The following DLG2 variants were observed in gnomAD, a reference collection of about 807,000 sequenced individuals.
DLG2 encodes discs large MAGUK scaffold protein 2.
DLG2 carries 45 observed loss-of-function variants against 132.5 expected under a neutral mutation model. The ratio of observed to expected loss-of-function variants is 0.34; its 90% CI spans 0.27 to 0.44. The LOEUF (loss-of-function observed/expected upper bound fraction) is 0.44, where lower values mean the gene tolerates loss of function less well. Ranked by LOEUF, DLG2 falls within the 20% of genes least tolerant of loss-of-function variation. DLG2 has a pLI of 1.00. For synonymous variants in DLG2, 424 were observed against 419.6 expected, an observed-to-expected ratio of 1.01 and a Z score of -0.13; for missense variants, 1,045 against 1,196.9, an observed-to-expected ratio of 0.87 and a Z score of 1.87.
At chr11:84,587,694 C>T (rs2099532997) in intron 6 of DLG2, among the ~76,000 whole-genome samples, 1 of 152,146 alleles carries the variant, frequency 6.6e-6, no homozygotes, top group African/African-American at 2.4e-5. Context: ...ATTCCTTGGT[C>T]AGATTCACTC....
intron 7 of DLG2, among the ~76,000 whole-genome samples, chr11:84,428,658 C>A (rs1056356883): frequency 5.9e-5 from 9 of 152,188 alleles, no homozygotes; most frequent in African/African-American, 2.2e-4. Context: ...ACCATTATGG[C>A]CTCATTTAAC....
At chr11:84,769,248 G>C (rs1160555372) in intron 6 of DLG2, among the ~76,000 whole-genome samples, 2 of 152,000 alleles carry the variant, frequency 1.3e-5, no homozygotes, top group Non-Finnish European at 1.5e-5. Flanking sequence ...AACTTCTAAA[G>C]CAATCTGGAA....
intron 9 of DLG2, among the ~76,000 whole-genome samples, chr11:84,113,644 T>C (rs1281663988): frequency 6.6e-6 from 1 of 152,208 alleles, no homozygotes; most frequent in Admixed American, 6.5e-5. Context: ...ATACTATTTT[T>C]TGATATTATA....
At chr11:83,573,252 T>C (rs1369524678) in intron 19 of DLG2, among the ~76,000 whole-genome samples, 2 of 152,200 alleles carry the variant, frequency 1.3e-5, no homozygotes. Flanking sequence ...CAATTCCAAA[T>C]GGTGATTATA....
intron 14 of DLG2, among the ~76,000 whole-genome samples, chr11:83,936,256 C>A (rs889084054): frequency 2.0e-5 from 3 of 152,222 alleles, no homozygotes; most frequent in Non-Finnish European, 2.9e-5. Context: ...CAGGTGCCTT[C>A]TAAAGACTCA....
chr11:85,248,847 G>A (rs1194422284), intron 4 of DLG2, among the ~76,000 whole-genome samples: 1 of 152,034 alleles, frequency 6.6e-6, no homozygotes, highest in African/African-American at 2.4e-5. Flanking sequence ...TATAGGGTCT[G>A]GTAACCAAAG....
chr11:85,569,346 GT>G (rs2077717399), intron 3 of DLG2, among the ~76,000 whole-genome samples: 1 of 152,066 alleles, frequency 6.6e-6, no homozygotes, highest in Middle Eastern at 3.2e-3. Context: ...CTTTCTTAAT[GT>G]AAGTATTTAT....
intron 6 of DLG2, among the ~76,000 whole-genome samples, chr11:84,883,326 G>C (rs2087672712): frequency 6.6e-6 from 1 of 151,952 alleles, no homozygotes; most frequent in Admixed American, 6.6e-5. Context: ...GGGGACAAGG[G>C]GAGGGATAGC....
At chr11:83,484,349 C>T (rs919516196) in intron 21 of DLG2, 121 bp from the exon 22 acceptor site, 12 of 696,328 alleles carry the variant, frequency 1.7e-5, no homozygotes, top group Non-Finnish European at 2.7e-5. Flanking sequence ...GTGGATAATT[C>T]TAAAGTGGTG....
intron 3 of DLG2, among the ~76,000 whole-genome samples, chr11:85,395,382 G>T (rs1176768876): frequency 6.6e-6 from 1 of 152,088 alleles, no homozygotes; most frequent in African/African-American, 2.4e-5. Flanking sequence ...TGAGGTACCT[G>T]GTTCATCTCA....
chr11:84,733,752 A>G (rs998223401), intron 6 of DLG2, among the ~76,000 whole-genome samples: 3 of 152,266 alleles, frequency 2.0e-5, no homozygotes, highest in Admixed American at 6.5e-5. Context: ...GTTTTCTTCT[A>G]GGGTTTTTAT....
chr11:84,375,339 A>G (rs1160797655), intron 7 of DLG2, among the ~76,000 whole-genome samples: 5 of 152,128 alleles, frequency 3.3e-5, no homozygotes, highest in Non-Finnish European at 7.4e-5. Context: ...AACTGCTATA[A>G]TTATTGCGCT....
chr11:84,072,859 G>T (rs2096777303), intron 10 of DLG2, among the ~76,000 whole-genome samples: 2 of 152,192 alleles, frequency 1.3e-5, no homozygotes, highest in Non-Finnish European at 2.9e-5. Flanking sequence ...CCTGATAAAA[G>T]ATATAATAGC....
intron 16 of DLG2, among the ~76,000 whole-genome samples, chr11:83,842,967 G>C (rs538842035): frequency 6.6e-6 from 1 of 152,224 alleles, no homozygotes; most frequent in South Asian, 2.1e-4. Context: ...AGGCTGTATT[G>C]GGTAGTGGGA....
At chr11:85,463,989 TACACACACACACACATAC>T (rs2092699206) in intron 3 of DLG2, among the ~76,000 whole-genome samples, 1 of 139,324 alleles carries the variant, frequency 7.2e-6, no homozygotes, top group African/African-American at 2.7e-5. Context: ...GACATACATG[TACACACACACACACATAC>T]ACACACACAC....
At chr11:84,196,763 G>T (rs184923094) in intron 8 of DLG2, among the ~76,000 whole-genome samples, 2 of 151,978 alleles carry the variant, frequency 1.3e-5, no homozygotes, top group Admixed American at 6.6e-5. Context: ...AATGATGGCC[G>T]AGTGCAGTGG....
At chr11:83,976,466 G>A (rs1447204253) in intron 12 of DLG2, among the ~76,000 whole-genome samples, 1 of 151,818 alleles carries the variant, frequency 6.6e-6, no homozygotes, top group East Asian at 1.9e-4. Flanking sequence ...GTAGAAGAGG[G>A]GGAAGATACA....
intron 6 of DLG2, among the ~76,000 whole-genome samples, chr11:85,049,830 G>A (rs2062717709): frequency 6.6e-6 from 1 of 151,900 alleles, no homozygotes; most frequent in Non-Finnish European, 1.5e-5. Flanking sequence ...AAAACTTAGG[G>A]GGTAAAATGA....
intron 3 of DLG2, among the ~76,000 whole-genome samples, chr11:85,560,617 C>T (rs1598522775): frequency 6.6e-6 from 1 of 151,886 alleles, no homozygotes; most frequent in East Asian, 1.9e-4. Flanking sequence ...TGCTCTAAAA[C>T]CAGATTGTGG....
Sources: allele counts gnomAD v4.1 joint callset (sites outside exome capture counted in the v4.1 genomes callset), GRCh38; gene constraint gnomAD v4.1.1; transcripts MANE v1.5; gene names NCBI Gene and HGNC (gene_info 2026-07-23, HGNC 2026-07-21).